Variants in CAMKK2 observed in about 807,000 individuals in gnomAD.
CAMKK2 encodes the protein calcium/calmodulin dependent protein kinase kinase 2.
Under a neutral mutation model 67.2 loss-of-function variants are expected in CAMKK2, and 30 were observed. The ratio of observed to expected loss-of-function variants is 0.45; its 90% CI spans 0.33 to 0.61. The LOEUF is 0.61. CAMKK2 is among the 20% of genes least tolerant of loss of function. The pLI is 0.02. For missense variants in CAMKK2, 643 were observed against 802.0 expected, an observed-to-expected ratio of 0.80 and a Z score of 2.39; for synonymous variants, 322 against 326.2, an observed-to-expected ratio of 0.99 and a Z score of 0.14.
chr12:121,274,435 T>C lies in CAMKK2; in HGVS notation c.92A>G (p.Gln31Arg), dbSNP rs1896417128. Residue 31 changes from glutamine (Q) to arginine (R), a missense_variant, in exon 2 of 17, where the codon CAG (glutamine) becomes CGG (arginine). Coordinates refer to ENST00000404169, the MANE Select transcript of CAMKK2 (RefSeq NM_001270485.2). Reference sequence around the variant, plus strand: ...GCCCCGCAGGGCCTCACAGGGCTTCTGGCTTTCGCTGCTGCTGCTGCCCCT... The same window carrying C: ...GCCCCGCAGGGCCTCACAGGGCTTCCGGCTTTCGCTGCTGCTGCTGCCCCT... ...GGRGSSSSES[Q>R]KPCEALRGLS... The C allele has an allele frequency of 6.2e-7, 1 of 1,613,072 alleles. No individual in the cohort carries two copies. The highest frequency in any genetic ancestry group is 2.2e-5 in the East Asian group (1 of 44,892).
Position 121,240,857 on chromosome 12 carries a change from G to A in CAMKK2, c.1609C>T (p.Arg537Ter), listed in dbSNP as rs746809158. Residue 537 changes from arginine to a stop codon, truncating the protein, a stop_gained, in exon 17 of 17, where the codon CGA becomes TGA. Transcript: ENST00000404169. LOFTEE classifies it high-confidence loss of function. The surrounding 1 kb of genome is among the most constrained non-coding windows in gnomAD (Gnocchi z 4.4). ...GGTCGGTGCCCTGGAGGTTGTCTTC[G>A]CTGCCTTGCTTCCTGCTCACCGAAC... ...SLSELKEARQRRQPPGHRPAP... is the reference protein window; with the variant it reads ...SLSELKEARQ 2.2e-5 allele frequency: 35 copies of A among 1,612,302 alleles called. No homozygotes were observed. The highest frequency in any genetic ancestry group is 2.8e-5 in the Non-Finnish European group (33 of 1,179,924).
rs35798271 is a variant in CAMKK2 at position 121,274,100 on chromosome 12, G to A, written c.427C>T (p.Arg143Trp). 13 of 1,533,602 alleles carry A rather than the reference G, an allele frequency of 8.5e-6. No individual in the cohort carries two copies. Among genetic ancestry groups the A allele is most frequent in the African/African-American group, 1.4e-5 (1 of 72,726 alleles). The allele number at this position is 1,533,602 out of a possible 1,614,324, so 95.0% of individuals were successfully genotyped here. A position where few individuals can be genotyped will look rare whatever the true frequency, so the allele number is the denominator to read the frequency against. ...ACGTGGTGAGACTCCACTGTCGGCC[G>A]CCGGGGCAGCCGAGGCGAGGACTGC... ...SPQSSPRLPRRPTVESHHVSI... is the reference protein window; with the variant it reads ...SPQSSPRLPRWPTVESHHVSI... Residue 143 changes from arginine (R) to tryptophan (W), a missense_variant, in exon 2 of 17, where the codon CGG becomes TGG. By Grantham distance (101) the Arg-to-Trp change is moderately radical. Around this residue, in one of 3 missense-constraint regions of CAMKK2, gnomAD observed 483 missense variants for 625.8 expected, o/e 0.77. Transcript: ENST00000404169.
chr12:121,284,792 T>C (rs1023389230), intron 1 of CAMKK2, among the ~76,000 whole-genome samples: 5 of 152,182 alleles, frequency 3.3e-5, no homozygotes, highest in Non-Finnish European at 4.4e-5. Flanking sequence ...TTGAGAGAGA[T>C]GAGAGCGAAA....
chr12:121,291,062 C>T (rs1899902971), intron 1 of CAMKK2, among the ~76,000 whole-genome samples: 1 of 151,724 alleles, frequency 6.6e-6, no homozygotes, highest in Admixed American at 6.6e-5. Context: ...TTAAGTGATC[C>T]ACCCGCCTTG....
chr12:121,268,159 C>T lies in CAMKK2; in HGVS notation c.625+479G>A, dbSNP rs181244240. Among the ~76,000 whole-genome samples, 3 of 144,300 alleles carry T rather than the reference C, an allele frequency of 2.1e-5. No homozygotes were observed. In the East Asian group the frequency reaches 6.1e-4, roughly 29 times the overall value. 94.7% of individuals were successfully genotyped at this position (144,300 alleles called of 152,430 possible). ...CCACTGGATGCATATATACTCTATT[C>T]ATTCTCTGAAGCCGTGTGTGCTGTT... On this transcript the variant is annotated intron_variant, in intron 5 of 16. Coordinates refer to ENST00000404169, the MANE Select transcript of CAMKK2 (RefSeq NM_001270485.2).
chr12:121,240,779 C>T lies in CAMKK2; in HGVS notation c.1687G>A (p.Glu563Lys). 1 of 1,609,252 alleles carries T rather than the reference C, an allele frequency of 6.2e-7. No individual in the cohort carries two copies. Among genetic ancestry groups the T allele is most frequent in the Non-Finnish European group, 8.5e-7 (1 of 1,178,978 alleles). ...CCGGGGGCGGGGGCCCAGCAACTTT[C>T]CACGCAGGGACTGCCTCTCACAAGA... ...SALVRGSPCV[E>K]SCWAPAPGSP... The change falls in exon 17 of 17, where the codon GAA becomes AAA. Residue 563 changes from glutamate (E) to lysine (K), a missense_variant. Glu to Lys is a moderately conservative substitution (Grantham distance 56, BLOSUM62 1). Around this residue, in one of 3 missense-constraint regions of CAMKK2, gnomAD observed 140 missense variants for 124.2 expected, o/e 1.13. Transcript: ENST00000404169. The surrounding 1 kb of genome is among the most constrained non-coding windows in gnomAD (Gnocchi z 4.4).
chr12:121,255,694 T>C, intron 8 of CAMKK2, 56 bp from the exon 9 acceptor site: 1 of 1,608,024 alleles, frequency 6.2e-7, no homozygotes, highest in Non-Finnish European at 8.5e-7. Flanking sequence ...CCTTGCCCTC[T>C]CTCATGAGCA....
Position 121,240,917 on chromosome 12 carries a change from C to A in CAMKK2, c.1597-48G>T. 6.3e-7 allele frequency: 1 copy of A among 1,596,456 alleles called. No individual in the cohort carries two copies. On this transcript the variant is annotated intron_variant, in intron 16 of 16. Transcript: ENST00000404169. The surrounding 1 kb of genome is among the most constrained non-coding windows in gnomAD (Gnocchi z 4.4). ...ACATTAAGACTCTGAGAAATGCCAG[C>A]GAGGCCCTGAGCCAGCTGCTCCCAC...
intron 6 of CAMKK2, among the ~76,000 whole-genome samples, chr12:121,262,162 CA>C (rs1050502361): frequency 2.6e-5 from 4 of 151,690 alleles, no homozygotes; most frequent in African/African-American, 9.7e-5. Context: ...AACAGTAACC[CA>C]AAAAAAGGCA....
chr12:121,249,165 G>A (rs1890125590), intron 13 of CAMKK2, among the ~76,000 whole-genome samples: 1 of 152,234 alleles, frequency 6.6e-6, no homozygotes, highest in South Asian at 2.1e-4. Context: ...ATCAGGAGAG[G>A]ACCCAGGCAG....
At position 121,260,235 on chromosome 12, in the gene CAMKK2, G is replaced by GGCA. The variant is rs560166937; in HGVS notation, c.796+81_796+83dup. The GGCA allele has an allele frequency of 1.3e-4, 157 of 1,198,688 alleles. No individual in the cohort carries two copies. The African/African-American group carries it at 2.2e-3, about 17-fold the overall frequency. The allele number at this position is 1,198,688 out of a possible 1,614,324, so 74.3% of individuals were successfully genotyped here. A position where few individuals can be genotyped will look rare whatever the true frequency, so the allele number is the denominator to read the frequency against. Reference sequence around the variant, plus strand: ...AGCTGTCTTTGGTGGAAGGTGCCAGGGCACAGGCTGCCTCGAGAGGACCCC... The same window carrying GGCA: ...AGCTGTCTTTGGTGGAAGGTGCCAGGGCAGCACAGGCTGCCTCGAGAGGACCCC... On this transcript the variant is annotated intron_variant, in intron 7 of 16. Coordinates refer to ENST00000404169, the MANE Select transcript of CAMKK2 (RefSeq NM_001270485.2).
rs754405632 is a variant in CAMKK2 at position 121,253,470 on chromosome 12, G to GTAC, written c.908-1_909dup (p.Leu303_His304insVal). 6.2e-6 allele frequency: 10 copies of GTAC among 1,614,110 alleles called. No homozygotes were observed. The highest frequency in any genetic ancestry group is 8.5e-6 in the Non-Finnish European group (10 of 1,179,974). The stretch of plus-strand genomic sequence containing the variant: ...TCACGGTGGATGATCTTCTGGTAGT[G>GTAC]TACTGGGGAGGCGTAGACAGCAGGT... On this transcript the variant is annotated inframe_insertion and splice_region_variant, in exon 10 of 17. Coordinates refer to ENST00000404169, the MANE Select transcript of CAMKK2 (RefSeq NM_001270485.2). This position sits in a 1 kb window ranked among gnomAD's most constrained non-coding sequence, Gnocchi z 5.0.
intron 14 of CAMKK2, among the ~76,000 whole-genome samples, chr12:121,247,621 C>A (rs959424715): frequency 6.6e-5 from 10 of 152,164 alleles, no homozygotes; most frequent in Non-Finnish European, 1.5e-4. Context: ...CAGTGAAGGT[C>A]CTGCACAGCC....
chr12:121,287,354 T>C (rs978581357), intron 1 of CAMKK2, among the ~76,000 whole-genome samples: 1 of 152,230 alleles, frequency 6.6e-6, no homozygotes, highest in African/African-American at 2.4e-5. Flanking sequence ...CTTGCTTCCA[T>C]GTGTCATAAG....
At chr12:121,267,809 T>C (rs1468625863) in intron 5 of CAMKK2, among the ~76,000 whole-genome samples, 4 of 152,000 alleles carry the variant, frequency 2.6e-5, no homozygotes, top group Non-Finnish European at 5.9e-5. Context: ...CAGAATATTT[T>C]CAATGCCTCC....
intron 7 of CAMKK2, among the ~76,000 whole-genome samples, chr12:121,257,774 A>G (rs1411098000): frequency 6.6e-6 from 1 of 152,120 alleles, no homozygotes; most frequent in Non-Finnish European, 1.5e-5. Flanking sequence ...TACAGCTTCT[A>G]CAGACAACCC....
intron 14 of CAMKK2, among the ~76,000 whole-genome samples, chr12:121,246,512 C>T (rs141902365): frequency 3.3e-4 from 50 of 152,094 alleles, no homozygotes; most frequent in African/African-American, 1.2e-3. Flanking sequence ...CACCACTGCA[C>T]TCCAGCCTGG....
In CAMKK2 at chr12:121,274,517, A is replaced by T. The variant is rs1303678199; in HGVS notation, c.10T>A (p.Cys4Ser). MSS[C>S]VSSQPSSNRA... Reference sequence around the variant, plus strand: ...TTGCTGCTGGGCTGGCTAGAGACACATGATGACATGGTGCATGCGCCAGCT... The same window carrying T: ...TTGCTGCTGGGCTGGCTAGAGACACTTGATGACATGGTGCATGCGCCAGCT... Residue 4 changes from cysteine to serine, a missense_variant, in exon 2 of 17, where the codon TGT becomes AGT. Cys to Ser is a moderately radical substitution (Grantham distance 112). Transcript: ENST00000404169. The T allele has an allele frequency of 6.2e-7, 1 of 1,610,296 alleles. No homozygotes were observed. The highest frequency in any genetic ancestry group is 2.2e-5 in the East Asian group (1 of 44,842).
chr12:121,288,242 C>T lies in CAMKK2; in HGVS notation c.-60+8396G>A, dbSNP rs577203063. Among the ~76,000 whole-genome samples the T allele has an allele frequency of 2.0e-5, 3 of 152,332 alleles. No homozygotes were observed. The East Asian group carries it at 5.8e-4, about 29-fold the overall frequency. ...AATGAACAAGAAAAAGACTTCTACC[C>T]AGCATGCTCTTGGCAAATCAGAGAT... On this transcript the variant is annotated intron_variant, in intron 1 of 16. Coordinates refer to ENST00000404169, the MANE Select transcript of CAMKK2 (RefSeq NM_001270485.2).
Sources: gnomAD v4.1 joint callset for allele counts (sites outside exome capture counted in the v4.1 genomes callset) on GRCh38, gnomAD v4.1.1 for gene constraint, gnomAD v4.1.1 regional missense constraint, Gnocchi (gnomAD v3.1) non-coding constraint, MANE v1.5 for transcripts, NCBI Gene and HGNC (gene_info 2026-07-23, HGNC 2026-07-21) for gene names.